The following CMTM6 variants were observed in gnomAD, a reference collection of about 807,000 sequenced individuals.
CMTM6 encodes the protein CKLF like MARVEL transmembrane domain containing 6, also known as CKLF-like MARVEL transmembrane domain-containing protein 6.
CMTM6 carries 5 observed loss-of-function variants against 13.6 expected under a neutral mutation model. That is an observed-to-expected ratio of 0.37 (90% CI 0.19 to 0.77). The LOEUF (loss-of-function observed/expected upper bound fraction) is 0.77. CMTM6 is among the 30% of genes least tolerant of loss of function. The pLI is 0.50. For missense variants in CMTM6, 196 were observed against 218.6 expected (o/e 0.90, Z 0.65); for synonymous variants, 99 against 84.5 (o/e 1.17, Z -0.94).
chr3:32,488,413 TG>T (rs1459463801), intron 2 of CMTM6: 1 of 154,910 alleles, frequency 6.5e-6, no homozygotes, highest in African/African-American at 2.4e-5. Context: ...GTGTATCTCG[TG>T]CAAGTGTTTG....
chr3:32,496,784 G>T (rs1697295868), intron 1 of CMTM6, among the ~76,000 whole-genome samples: 1 of 152,076 alleles, frequency 6.6e-6, no homozygotes, highest in African/African-American at 2.4e-5. Context: ...GGATGAAAAA[G>T]AACATATTCA....
In CMTM6 at chr3:32,482,333, A is replaced by T. The variant is rs1697162110; in HGVS notation, c.*1627T>A. On this transcript the variant is annotated 3_prime_UTR_variant, in exon 4 of 4. Transcript: ENST00000205636. Reference sequence around the variant, plus strand: ...AGAACCACATTAGCCACATTCATGCAATTAAAACCCATCTAAGACACACAA... The same window carrying T: ...AGAACCACATTAGCCACATTCATGCTATTAAAACCCATCTAAGACACACAA... The T allele has an allele frequency of 6.6e-6, 1 of 152,138 alleles. No homozygotes were observed. Among genetic ancestry groups the T allele is most frequent in the African/African-American group, 2.4e-5 (1 of 41,432 alleles). 9.4% of individuals were successfully genotyped at this position (152,138 alleles called of 1,614,324 possible). A position where few individuals can be genotyped will look rare whatever the true frequency, so the allele number is the denominator to read the frequency against.
In CMTM6 at chr3:32,481,507, T is replaced by TATA. The variant is rs1697153126; in HGVS notation, c.*2450_*2452dup. 1 of 152,166 alleles carries TATA rather than the reference T, an allele frequency of 6.6e-6. No individual in the cohort carries two copies. Among genetic ancestry groups the TATA allele is most frequent in the African/African-American group, 2.4e-5 (1 of 41,452 alleles). The allele number at this position is 152,166 out of a possible 1,614,324, so 9.4% of individuals were successfully genotyped here. On this transcript the variant is annotated 3_prime_UTR_variant, in exon 4 of 4. Coordinates refer to ENST00000205636, the MANE Select transcript of CMTM6 (RefSeq NM_017801.3). Reference sequence around the variant, plus strand: ...TTTTGTACTGTGAGTTCATTTCTCTTATAATTCTTGAGAACCATTCTAAGC... The same window carrying TATA: ...TTTTGTACTGTGAGTTCATTTCTCTTATAATAATTCTTGAGAACCATTCTAAGC...
At chr3:32,502,517 C>T in intron 1 of CMTM6, 91 bp downstream of exon 1, 1 of 1,491,934 alleles carries the variant, frequency 6.7e-7, no homozygotes, top group South Asian at 1.2e-5. Flanking sequence ...ACTGAACAAC[C>T]AAGCTGAAAC....
intron 3 of CMTM6, 140 bp downstream of exon 3, chr3:32,487,798 G>T: frequency 1.8e-6 from 1 of 552,172 alleles, no homozygotes; most frequent in Non-Finnish European, 3.3e-6. Context: ...TTGCTTGTAG[G>T]TCTTCTATTC....
At chr3:32,486,415 T>TAG (rs1697205913) in intron 3 of CMTM6, among the ~76,000 whole-genome samples, 1 of 151,826 alleles carries the variant, frequency 6.6e-6, no homozygotes, top group Non-Finnish European at 1.5e-5. Context: ...TAAGACTACT[T>TAG]AGTCTTTTCT....
chr3:32,485,342 T>C (rs1697193815), intron 3 of CMTM6, among the ~76,000 whole-genome samples: 1 of 152,092 alleles, frequency 6.6e-6, no homozygotes, highest in Non-Finnish European at 1.5e-5. Context: ...TTAAACTACC[T>C]GTCACTATTA....
At chr3:32,502,463 C>T (rs1483290227) in intron 1 of CMTM6, 145 bp downstream of exon 1, 5 of 1,076,828 alleles carry the variant, frequency 4.6e-6, no homozygotes, top group Non-Finnish European at 6.3e-6. Flanking sequence ...GCCCCCTTCC[C>T]CAGGCTGAGA....
At chr3:32,485,655 T>C (rs1697196970) in intron 3 of CMTM6, among the ~76,000 whole-genome samples, 1 of 152,218 alleles carries the variant, frequency 6.6e-6, no homozygotes, top group African/African-American at 2.4e-5. Context: ...CTTCTATTGG[T>C]TCATGTACCC....
intron 3 of CMTM6, among the ~76,000 whole-genome samples, chr3:32,486,549 T>G (rs72858886): frequency 0.01 from 1,561 of 152,304 alleles, 32 homozygotes; most frequent in African/African-American, 0.035. Flanking sequence ...ACTACCTTTC[T>G]AAAATCCAGA....
rs1433250732 is a variant in CMTM6, at chr3:32,483,410, G to A, written c.*550C>T. ...AAAATATTATAACATTTAAGGCTGA[G>A]TGAAATACAGTAAAGCCTGGTAATA... On this transcript the variant is annotated 3_prime_UTR_variant, in exon 4 of 4. Coordinates refer to ENST00000205636, the MANE Select transcript of CMTM6 (RefSeq NM_017801.3). 6.6e-6 allele frequency: 1 copy of A among 152,468 alleles called. No individual in the cohort carries two copies. Among genetic ancestry groups the A allele is most frequent in the Non-Finnish European group, 1.5e-5 (1 of 68,032 alleles). The allele number at this position is 152,468 out of a possible 1,614,324, so 9.4% of individuals were successfully genotyped here.
intron 1 of CMTM6, among the ~76,000 whole-genome samples, chr3:32,495,840 T>C (rs980589010): frequency 6.6e-6 from 1 of 152,152 alleles, no homozygotes; most frequent in African/African-American, 2.4e-5. Context: ...CTCAGAGCAA[T>C]AGCAGGAAGC....
chr3:32,491,716 T>C lies in CMTM6; in HGVS notation c.309A>G (p.Lys103=), dbSNP rs1421481455. ...FYERVDTTKV[K]SSDFYITLGT... ...GATATTTTCTCATGCTTACCGATGA[T>C]TTTACTTTTGTGGTATCAACTCTCT... Residue 103 remains lysine (K), a synonymous_variant, in exon 2 of 4, where the codon AAA becomes AAG. Coordinates refer to ENST00000205636, the MANE Select transcript of CMTM6 (RefSeq NM_017801.3). 15 of 1,590,534 alleles carry C rather than the reference T, an allele frequency of 9.4e-6. No individual in the cohort carries two copies. The highest frequency in any genetic ancestry group is 1.1e-5 in the South Asian group (1 of 87,582).
intron 3 of CMTM6, among the ~76,000 whole-genome samples, chr3:32,487,358 T>A (rs76746169): frequency 6.6e-6 from 1 of 152,078 alleles, no homozygotes; most frequent in Non-Finnish European, 1.5e-5. Context: ...TCTATTATTT[T>A]TTTTTTTCTT....
Position 32,481,337 on chromosome 3 carries a change from T to TAAAAAGACTATAAAATCTGAC in CMTM6, c.*2602_*2622dup, listed in dbSNP as rs1339306619. 66 of 150,416 alleles carry TAAAAAGACTATAAAATCTGAC rather than the reference T, an allele frequency of 4.4e-4. No homozygotes were observed. The highest frequency in any genetic ancestry group is 8.6e-4 in the Admixed American group (13 of 15,076). 9.3% of individuals were successfully genotyped at this position (150,416 alleles called of 1,614,324 possible). On this transcript the variant is annotated 3_prime_UTR_variant, in exon 4 of 4. Transcript: ENST00000205636. Reference sequence around the variant, plus strand: ...AACGTTTTAATTAAATGGATTTATTTAAAAAGACTATAAAATCTGACATCA... The same window carrying TAAAAAGACTATAAAATCTGAC: ...AACGTTTTAATTAAATGGATTTATTTAAAAAGACTATAAAATCTGACAAAAAGACTATAAAATCTGACATCA...
intron 1 of CMTM6, among the ~76,000 whole-genome samples, chr3:32,494,261 C>G (rs1376240340): frequency 6.6e-6 from 1 of 152,012 alleles, no homozygotes; most frequent in Non-Finnish European, 1.5e-5. Flanking sequence ...TGCTGAGGGC[C>G]GAAACCATCA....
chr3:32,497,120 A>T (rs1697299744), intron 1 of CMTM6, among the ~76,000 whole-genome samples: 2 of 152,138 alleles, frequency 1.3e-5, no homozygotes, highest in Non-Finnish European at 1.5e-5. Flanking sequence ...GCGGTGGCTC[A>T]CGCCTGTAAT....
At chr3:32,497,342 A>G (rs1697302757) in intron 1 of CMTM6, among the ~76,000 whole-genome samples, 4 of 147,922 alleles carry the variant, frequency 2.7e-5, no homozygotes, top group African/African-American at 5.0e-5. Context: ...CCGAGATCGC[A>G]CCACTGCACT....
intron 1 of CMTM6, among the ~76,000 whole-genome samples, chr3:32,499,527 G>A (rs1018935030): frequency 2.6e-5 from 4 of 152,216 alleles, no homozygotes; most frequent in Non-Finnish European, 5.9e-5. Flanking sequence ...GTTACCAAAC[G>A]TCAATTCTCC....
Sources: allele counts gnomAD v4.1 joint callset (sites outside exome capture counted in the v4.1 genomes callset), GRCh38; gene constraint gnomAD v4.1.1; transcripts MANE v1.5; gene names NCBI Gene and HGNC (gene_info 2026-07-23, HGNC 2026-07-21).